MCTP1: variants seen among roughly 807,000 people sequenced by gnomAD.
MCTP1 encodes multiple C2 and transmembrane domain-containing protein 1.
A neutral mutation model predicts 120.6 loss-of-function variants in MCTP1; 69 were observed. The ratio of observed to expected loss-of-function variants is 0.57; its 90% CI spans 0.47 to 0.70. MCTP1 has a LOEUF of 0.70. MCTP1 is among the 30% of genes least tolerant of loss of function. The pLI, the probability that MCTP1 is intolerant of heterozygous loss-of-function variation, is 0.00. For missense variants in MCTP1, 1,203 were observed against 1,248.8 expected (o/e 0.96, Z 0.55); for synonymous variants, 529 against 493.1 (o/e 1.07, Z -0.96).
At chr5:94,846,191 C>T (rs1170570333) in intron 17 of MCTP1, among the ~76,000 whole-genome samples, 1 of 152,128 alleles carries the variant, frequency 6.6e-6, no homozygotes, top group African/African-American at 2.4e-5. Flanking sequence ...ATCATAGAGA[C>T]ATATGCACAT....
intron 1 of MCTP1, among the ~76,000 whole-genome samples, chr5:95,235,022 A>G (rs1755387371): frequency 6.6e-6 from 1 of 152,094 alleles, no homozygotes. Context: ...AAGACATTAT[A>G]AGAAAACTAT....
At chr5:94,794,595 T>G (rs1779639666) in intron 18 of MCTP1, among the ~76,000 whole-genome samples, 1 of 152,208 alleles carries the variant, frequency 6.6e-6, no homozygotes, top group Non-Finnish European at 1.5e-5. Flanking sequence ...CACATCACAC[T>G]TGCTCTGGGG....
chr5:95,146,606 T>C (rs968374875), intron 1 of MCTP1, among the ~76,000 whole-genome samples: 1 of 151,960 alleles, frequency 6.6e-6, no homozygotes, highest in Non-Finnish European at 1.5e-5. Flanking sequence ...ATTTTAAAGA[T>C]TTTTTTTAAA....
At chr5:94,708,169 T>C (rs1010274274) in intron 22 of MCTP1, 5 of 161,986 alleles carry the variant, frequency 3.1e-5, no homozygotes. Flanking sequence ...TTTTCTTAAA[T>C]GTCCACTGGC....
At chr5:95,148,808 G>A (rs1264441148) in intron 1 of MCTP1, among the ~76,000 whole-genome samples, 1 of 152,212 alleles carries the variant, frequency 6.6e-6, no homozygotes, top group South Asian at 2.1e-4. Flanking sequence ...GAGAGGGCTG[G>A]TGATCCTTTC....
intron 19 of MCTP1, among the ~76,000 whole-genome samples, chr5:94,747,619 T>C (rs1767225195): frequency 6.6e-6 from 1 of 152,152 alleles, no homozygotes; most frequent in South Asian, 2.1e-4. Flanking sequence ...GGACTGTAGT[T>C]TACTGACTTC....
intron 17 of MCTP1, among the ~76,000 whole-genome samples, chr5:94,810,434 T>G (rs1004508260): frequency 3.3e-5 from 5 of 152,150 alleles, no homozygotes; most frequent in Non-Finnish European, 7.4e-5. Context: ...AGGTACAATA[T>G]TTAGGGCAAC....
intron 17 of MCTP1, among the ~76,000 whole-genome samples, chr5:94,802,915 T>A (rs1781509854): frequency 6.6e-6 from 1 of 152,184 alleles, no homozygotes; most frequent in African/African-American, 2.4e-5. Flanking sequence ...AGTGCGGTGA[T>A]AAGGACACTC....
chr5:95,138,940 T>G (rs577234009), intron 1 of MCTP1, among the ~76,000 whole-genome samples: 2 of 152,354 alleles, frequency 1.3e-5, no homozygotes, highest in South Asian at 4.1e-4. Flanking sequence ...TTCATTTAGA[T>G]CTGTTTCTCT....
At chr5:95,270,399 A>AAT (rs1462942540) in intron 1 of MCTP1, among the ~76,000 whole-genome samples, 1 of 152,242 alleles carries the variant, frequency 6.6e-6, no homozygotes, top group Non-Finnish European at 1.5e-5. Context: ...TAAATCAGTT[A>AAT]ATATATATAC....
At position 94,858,446 on chromosome 5, in the gene MCTP1, T is replaced by C. The variant is rs111263993; in HGVS notation, c.2436+9887A>G. Among the ~76,000 whole-genome samples, 566 of 151,768 alleles carry C rather than the reference T, an allele frequency of 3.7e-3. 4 individuals are homozygous for C. The highest frequency in any genetic ancestry group is 0.013 in the African/African-American group (534 of 41,474). On this transcript the variant is annotated intron_variant, in intron 17 of 22. Transcript: ENST00000515393. ...CTAAGCAGGGTGCATACAGACTTAT[T>C]ATATCAAGTCGGCAATTCTAGCCTT...
chr5:94,797,118 G>A (rs556561692), intron 18 of MCTP1, among the ~76,000 whole-genome samples: 213 of 152,232 alleles, frequency 1.4e-3, no homozygotes, highest in African/African-American at 4.9e-3. Flanking sequence ...GCTATAAAAT[G>A]TCTTGGATAA....
intron 17 of MCTP1, among the ~76,000 whole-genome samples, chr5:94,851,164 T>A (rs17082144): frequency 0.02 from 2,977 of 152,206 alleles, 104 homozygotes; most frequent in African/African-American, 0.068. Flanking sequence ...TGAAATATGC[T>A]GAGTCAGTTT....
In MCTP1 at chr5:94,760,299, T is replaced by C. The variant is rs80008771; in HGVS notation, c.2610+18811A>G. Among the ~76,000 whole-genome samples the C allele has an allele frequency of 6.0e-3, 908 of 152,226 alleles. 5 individuals are homozygous for C. The highest frequency in any genetic ancestry group is 0.021 in the African/African-American group (879 of 41,540). On this transcript the variant is annotated intron_variant, in intron 19 of 22. Coordinates refer to ENST00000515393, the MANE Select transcript of MCTP1 (RefSeq NM_024717.7). Reference sequence around the variant, plus strand: ...CTATATGACTCTGAGGTTAGCTCAATGGGAAAAAAAGAACTTGTTTGACTA... The same window carrying C: ...CTATATGACTCTGAGGTTAGCTCAACGGGAAAAAAAGAACTTGTTTGACTA...
chr5:94,831,075 A>T (rs1390638971), intron 17 of MCTP1, among the ~76,000 whole-genome samples: 2 of 152,230 alleles, frequency 1.3e-5, no homozygotes, highest in East Asian at 3.9e-4. Flanking sequence ...TTATCAGAAG[A>T]CATGATGCTA....
intron 2 of MCTP1, among the ~76,000 whole-genome samples, chr5:95,016,786 G>T (rs192868274): frequency 6.6e-6 from 1 of 151,996 alleles, no homozygotes; most frequent in African/African-American, 2.4e-5. Context: ...GCCTATCCTC[G>T]TTCATCAAGA....
At chr5:95,193,480 T>C (rs1011883739) in intron 1 of MCTP1, among the ~76,000 whole-genome samples, 17 of 152,182 alleles carry the variant, frequency 1.1e-4, no homozygotes, top group African/African-American at 4.1e-4. Context: ...GGACTAAATA[T>C]ACAAATAGAG....
chr5:95,021,571 C>T (rs548452601), intron 1 of MCTP1, among the ~76,000 whole-genome samples: 38 of 151,844 alleles, frequency 2.5e-4, no homozygotes, highest in African/African-American at 9.2e-4. Flanking sequence ...GGTTTTGTTT[C>T]TATTGTAAAA....
At chr5:94,943,428 T>G (rs143945261) in intron 3 of MCTP1, among the ~76,000 whole-genome samples, 21 of 152,222 alleles carry the variant, frequency 1.4e-4, no homozygotes, top group Admixed American at 1.1e-3. Context: ...AATGGAAGGA[T>G]GCTGGAGGGA....
Sources: gnomAD v4.1 joint callset for allele counts (sites outside exome capture counted in the v4.1 genomes callset) on GRCh38, gnomAD v4.1.1 for gene constraint, MANE v1.5 for transcripts, NCBI Gene and HGNC (gene_info 2026-07-23, HGNC 2026-07-21) for gene names.